PTK7: variants seen among roughly 807,000 people sequenced by gnomAD.
PTK7 encodes protein tyrosine kinase 7 (inactive).
Under a neutral mutation model 116.6 loss-of-function variants are expected in PTK7, and 39 were observed. The ratio of observed to expected loss-of-function variants is 0.33; its 90% CI spans 0.26 to 0.44. PTK7 has a LOEUF of 0.44. PTK7 is among the 20% of genes least tolerant of loss of function. The pLI, the probability that PTK7 is intolerant of heterozygous loss-of-function variation, is 1.00. For synonymous variants in PTK7, 546 were observed against 563.6 expected (o/e 0.97, Z 0.44); for missense variants, 1,169 against 1,425.6 (o/e 0.82, Z 2.90).
intron 17 of PTK7, among the ~76,000 whole-genome samples, chr6:43,155,408 C>T (rs1006399990): frequency 5.9e-5 from 9 of 151,974 alleles, no homozygotes; most frequent in South Asian, 2.1e-4. Context: ...CTTTGGGAGC[C>T]GAGGCAGGTG....
Position 43,113,842 on chromosome 6 carries a change from A to G in PTK7, c.80-15135A>G, listed in dbSNP as rs532454844. Among the ~76,000 whole-genome samples, 3 of 152,268 alleles carry G rather than the reference A, an allele frequency of 2.0e-5. No individual in the cohort carries two copies. The East Asian group carries it at 5.8e-4, about 29-fold the overall frequency. ...GGTACTGTATTCTTCCTGGTGAATT[A>G]TTTACCAGGAGCCTCTAATTTGAGG... On this transcript the variant is annotated intron_variant, in intron 1 of 19. Transcript: ENST00000230419.
chr6:43,105,697 A>G (rs193031499), intron 1 of PTK7, among the ~76,000 whole-genome samples: 2 of 152,262 alleles, frequency 1.3e-5, no homozygotes, highest in Admixed American at 1.3e-4. Flanking sequence ...CCACAGGAAG[A>G]CGGCTTGTGA....
chr6:43,129,526 A>G lies in PTK7; in HGVS notation c.368-201A>G, dbSNP rs1433875370. 5.8e-6 allele frequency: 4 copies of G among 687,384 alleles called. No homozygotes were observed. Among genetic ancestry groups the G allele is most frequent in the South Asian group, 1.9e-5 (1 of 51,298 alleles). 42.6% of individuals were successfully genotyped at this position (687,384 alleles called of 1,614,324 possible). A position where few individuals can be genotyped will look rare whatever the true frequency, so the allele number is the denominator to read the frequency against. ...GAAAGGGCGGCCGAGCCCTTGGCCA[A>G]GTGTCAGACTTGACCTGCCAGGGAC... On this transcript the variant is annotated intron_variant, in intron 2 of 19. Transcript: ENST00000230419. The surrounding 1 kb of genome is among the most constrained non-coding windows in gnomAD (Gnocchi z 4.5).
At chr6:43,116,649 T>TGCGCGCGCGCGC (rs1212265599) in intron 1 of PTK7, among the ~76,000 whole-genome samples, 2 of 73,496 alleles carry the variant, frequency 2.7e-5, no homozygotes, top group African/African-American at 1.5e-4. Flanking sequence ...TGTGTGTGTG[T>TGCGCGCGCGCGC]GTGCGCGCGC....
In PTK7 at chr6:43,076,905, G is replaced by A. The variant is rs1766051950; in HGVS notation, c.79+338G>A. ...CCAGATGGGGAGTTTCTTGTCGGGGGAGAAAAGACCATCCGCACCCACCGT... is the reference window on the plus strand; with the variant it reads ...CCAGATGGGGAGTTTCTTGTCGGGGAAGAAAAGACCATCCGCACCCACCGT... On this transcript the variant is annotated intron_variant, in intron 1 of 19. Transcript: ENST00000230419. The surrounding 1 kb of genome is among the most constrained non-coding windows in gnomAD (Gnocchi z 5.7). 6.6e-7 allele frequency: 1 copy of A among 1,513,264 alleles called. No individual in the cohort carries two copies. Among genetic ancestry groups the A allele is most frequent in the Non-Finnish European group, 8.8e-7 (1 of 1,131,136 alleles). The allele number at this position is 1,513,264 out of a possible 1,614,324, so 93.7% of individuals were successfully genotyped here.
intron 1 of PTK7, among the ~76,000 whole-genome samples, chr6:43,086,843 TCAAAAAAA>T (rs1432346848): frequency 6.6e-6 from 1 of 151,838 alleles, no homozygotes; most frequent in Non-Finnish European, 1.5e-5. Context: ...AGACCCTATC[TCAAAAAAA>T]CAAAAAAACA....
At chr6:43,125,040 C>T (rs1769206385) in intron 1 of PTK7, among the ~76,000 whole-genome samples, 1 of 152,174 alleles carries the variant, frequency 6.6e-6, no homozygotes, top group Non-Finnish European at 1.5e-5. Flanking sequence ...GGCGTGGTAG[C>T]TCATGCCAGT....
chr6:43,116,628 G>C (rs1235574133), intron 1 of PTK7, among the ~76,000 whole-genome samples: 5 of 127,140 alleles, frequency 3.9e-5, no homozygotes, highest in Non-Finnish European at 6.6e-5. Flanking sequence ...GTGTGTGTGT[G>C]TGTGTGTGTG....
At chr6:43,111,389 A>T (rs891436161) in intron 1 of PTK7, among the ~76,000 whole-genome samples, 2 of 152,292 alleles carry the variant, frequency 1.3e-5, no homozygotes, top group Admixed American at 6.5e-5. Context: ...CAGAGATTGG[A>T]TGAGGGAAAT....
At chr6:43,096,032 C>T (rs536277535) in intron 1 of PTK7, among the ~76,000 whole-genome samples, 31 of 152,318 alleles carry the variant, frequency 2.0e-4, no homozygotes, top group African/African-American at 6.0e-4. Flanking sequence ...TAATGCCCTC[C>T]GATTCCATAT....
At chr6:43,125,165 C>T (rs907905466) in intron 1 of PTK7, among the ~76,000 whole-genome samples, 50 of 152,250 alleles carry the variant, frequency 3.3e-4, no homozygotes, top group Non-Finnish European at 6.8e-4. Flanking sequence ...AGAACGAAAA[C>T]TCTGTCTCAA....
At chr6:43,112,457 CCT>C (rs1768248594) in intron 1 of PTK7, among the ~76,000 whole-genome samples, 1 of 151,888 alleles carries the variant, frequency 6.6e-6, no homozygotes, top group Non-Finnish European at 1.5e-5. Context: ...TTTCTTACCT[CCT>C]CCATCTGTCT....
chr6:43,085,463 G>A (rs1294192701), intron 1 of PTK7, among the ~76,000 whole-genome samples: 1 of 151,716 alleles, frequency 6.6e-6, no homozygotes, highest in East Asian at 2.0e-4. Context: ...TGGTCAGGCT[G>A]GTCTTGAACT....
At chr6:43,146,963 C>T (rs552294785) in intron 17 of PTK7, among the ~76,000 whole-genome samples, 5 of 152,344 alleles carry the variant, frequency 3.3e-5, no homozygotes, top group African/African-American at 7.2e-5. Context: ...GCTGGCTTCA[C>T]GGAGAAGAGC....
chr6:43,097,926 G>T (rs1386880856), intron 1 of PTK7, among the ~76,000 whole-genome samples: 1 of 152,144 alleles, frequency 6.6e-6, no homozygotes, highest in Non-Finnish European at 1.5e-5. Context: ...TCTTGTCCTT[G>T]GTTTTCCCAC....
chr6:43,143,400 A>G lies in PTK7; in HGVS notation c.2048-17A>G, dbSNP rs1301853655. Reference sequence around the variant, plus strand: ...TGCTTAGCAGCCCCTGCCCAGACCCATCTGTGTGTCTCTCAGACAAGCCTG... The same window carrying G: ...TGCTTAGCAGCCCCTGCCCAGACCCGTCTGTGTGTCTCTCAGACAAGCCTG... On this transcript the variant is annotated splice_polypyrimidine_tract_variant and intron_variant, in intron 13 of 19. Transcript: ENST00000230419. This position sits in a 1 kb window ranked among gnomAD's most constrained non-coding sequence, Gnocchi z 4.2. 3.1e-6 allele frequency: 5 copies of G among 1,612,496 alleles called. No homozygotes were observed. The South Asian group carries it at 3.3e-5, about 11-fold the overall frequency.
At chr6:43,084,875 A>C (rs1008194097) in intron 1 of PTK7, among the ~76,000 whole-genome samples, 4 of 152,186 alleles carry the variant, frequency 2.6e-5, no homozygotes, top group Non-Finnish European at 5.9e-5. Flanking sequence ...GAATAGATGT[A>C]GTCAGTGACG....
intron 17 of PTK7, among the ~76,000 whole-genome samples, chr6:43,154,386 T>C (rs1467659633): frequency 6.6e-6 from 1 of 152,070 alleles, no homozygotes; most frequent in Non-Finnish European, 1.5e-5. Context: ...TAGTGCCTAC[T>C]GTATAGGACA....
intron 1 of PTK7, among the ~76,000 whole-genome samples, chr6:43,089,280 T>G (rs947357397): frequency 6.6e-6 from 1 of 152,284 alleles, no homozygotes; most frequent in Admixed American, 6.5e-5. Flanking sequence ...GACTCCAGTG[T>G]GGGAACCTAT....
Sources: gnomAD v4.1 joint callset for allele counts (sites outside exome capture counted in the v4.1 genomes callset) on GRCh38, gnomAD v4.1.1 for gene constraint, Gnocchi (gnomAD v3.1) non-coding constraint, MANE v1.5 for transcripts, NCBI Gene and HGNC (gene_info 2026-07-23, HGNC 2026-07-21) for gene names.